Variants in SDK1 observed in about 807,000 individuals in gnomAD.
SDK1 encodes sidekick cell adhesion molecule 1.
Under a neutral mutation model 245.5 loss-of-function variants are expected in SDK1, and 157 were observed. The ratio of observed to expected loss-of-function variants is 0.64; its 90% CI spans 0.56 to 0.73. The LOEUF is 0.73. Among genes scored for constraint, SDK1 ranks in the 30% least tolerant of loss-of-function variants. The pLI, the probability that SDK1 is intolerant of heterozygous loss-of-function variation, is 0.00. For synonymous variants in SDK1, 1,647 were observed against 1,278.5 expected (o/e 1.29, Z -6.15); for missense variants, 3,583 against 3,002.3 (o/e 1.19, Z -4.52).
intron 5 of SDK1, among the ~76,000 whole-genome samples, chr7:3,908,828 C>T (rs74535432): frequency 7.2e-6 from 1 of 137,962 alleles, no homozygotes; most frequent in South Asian, 2.1e-4. Context: ...GGAAAGAATT[C>T]ATTTTTTTTT....
chr7:4,178,400 C>T, intron 34 of SDK1, 85 bp from the exon 35 acceptor site: 1 of 983,798 alleles, frequency 1.0e-6, no homozygotes, highest in South Asian at 1.3e-5. Flanking sequence ...GTGCTCCTTG[C>T]TTCATTGTGG....
intron 40 of SDK1, among the ~76,000 whole-genome samples, chr7:4,221,734 C>A (rs1052689480): frequency 3.9e-5 from 6 of 152,084 alleles, no homozygotes; most frequent in African/African-American, 1.5e-4. Context: ...TGTTTGCTGC[C>A]GAGATGGAAA....
intron 22 of SDK1, among the ~76,000 whole-genome samples, chr7:4,098,910 C>T (rs768242146): frequency 6.3e-5 from 9 of 142,038 alleles, no homozygotes; most frequent in Non-Finnish European, 1.0e-4. Flanking sequence ...TGAGCTCAAG[C>T]GATCCTCCTG....
chr7:3,910,899 G>T (rs747003588), intron 5 of SDK1, among the ~76,000 whole-genome samples: 4 of 152,194 alleles, frequency 2.6e-5, no homozygotes, highest in Non-Finnish European at 5.9e-5. Context: ...GGCCCACGCT[G>T]TGGAGCAGGG....
Position 3,867,343 on chromosome 7 carries a change from G to C in SDK1, c.847+45760G>C, listed in dbSNP as rs549677290. ...TAGAATTTGATTATTTTGGTGTGAAGGTATATAAAAATGCAGCCCTTTTGA... is the reference window on the plus strand; with the variant it reads ...TAGAATTTGATTATTTTGGTGTGAACGTATATAAAAATGCAGCCCTTTTGA... On this transcript the variant is annotated intron_variant, in intron 5 of 44. Coordinates refer to ENST00000404826, the MANE Select transcript of SDK1 (RefSeq NM_152744.4). 2.6e-5 allele frequency among the ~76,000 whole-genome samples: 4 copies of C among 152,172 alleles called. No homozygotes were observed. In the South Asian group the frequency reaches 8.3e-4, roughly 32 times the overall value.
Position 3,635,901 on chromosome 7 carries a change from C to G in SDK1, c.459-3103C>G, listed in dbSNP as rs187048773. ...TTGTATTTTTTGTAGAGAGACGGTT[C>G]TGCCATATTGCCCAGGCTGGTTCCT... On this transcript the variant is annotated intron_variant, in intron 2 of 44. Transcript: ENST00000404826. 2.5e-4 allele frequency among the ~76,000 whole-genome samples: 38 copies of G among 152,156 alleles called. No homozygotes were observed. In the East Asian group the frequency reaches 7.3e-3, roughly 29 times the overall value.
intron 2 of SDK1, among the ~76,000 whole-genome samples, chr7:3,632,715 A>G (rs1269583103): frequency 2.0e-5 from 3 of 152,204 alleles, no homozygotes; most frequent in Non-Finnish European, 2.9e-5. Context: ...GATTACTTCA[A>G]TTGTTTTGAA....
chr7:4,148,603 G>A (rs1448202067), intron 29 of SDK1, among the ~76,000 whole-genome samples: 1 of 152,218 alleles, frequency 6.6e-6, no homozygotes, highest in East Asian at 1.9e-4. Context: ...CAGAAAAAGA[G>A]AGACCAAAGG....
intron 4 of SDK1, among the ~76,000 whole-genome samples, chr7:3,759,497 T>A (rs1391644519): frequency 6.6e-6 from 1 of 152,186 alleles, no homozygotes; most frequent in Non-Finnish European, 1.5e-5. Context: ...TCCCTGCAGT[T>A]ACCCATAATC....
intron 40 of SDK1, among the ~76,000 whole-genome samples, chr7:4,226,569 G>C (rs1381394359): frequency 6.6e-6 from 1 of 152,228 alleles, no homozygotes; most frequent in Admixed American, 6.5e-5. Flanking sequence ...CACCAGGCTA[G>C]AACACAGATC....
intron 1 of SDK1, among the ~76,000 whole-genome samples, chr7:3,411,561 C>G (rs947536244): frequency 6.6e-6 from 1 of 152,138 alleles, no homozygotes; most frequent in African/African-American, 2.4e-5. Context: ...AGATCAGTTA[C>G]AAACTTGGCT....
intron 1 of SDK1, among the ~76,000 whole-genome samples, chr7:3,419,057 G>C (rs895020212): frequency 6.6e-6 from 1 of 152,202 alleles, no homozygotes; most frequent in Non-Finnish European, 1.5e-5. Context: ...CATGGTTTTT[G>C]TGTCCCATGA....
rs186956044 is a variant in SDK1, at chr7:3,868,596, T to C, written c.847+47013T>C. On this transcript the variant is annotated intron_variant, in intron 5 of 44. Coordinates refer to ENST00000404826, the MANE Select transcript of SDK1 (RefSeq NM_152744.4). ...AGTATTATGGTCCAACCCTGTTCTT[T>C]CATCTATAATTTTCTCCCACAATAA... is the stretch of plus-strand genomic sequence containing the variant. Among the ~76,000 whole-genome samples, 124 of 152,350 alleles carry C rather than the reference T, an allele frequency of 8.1e-4. 3 individuals are homozygous for C. The East Asian group carries it at 0.022, about 27-fold the overall frequency.
At chr7:3,536,472 A>G in intron 1 of SDK1, among the ~76,000 whole-genome samples, 1 of 152,078 alleles carries the variant, frequency 6.6e-6, no homozygotes, top group Non-Finnish European at 1.5e-5. Flanking sequence ...TGAGGCCAGG[A>G]GTTGAGACCA....
chr7:3,909,811 G>C (rs1240962477), intron 5 of SDK1, among the ~76,000 whole-genome samples: 1 of 152,142 alleles, frequency 6.6e-6, no homozygotes, highest in Non-Finnish European at 1.5e-5. Context: ...CCTAAAGCGA[G>C]GCACCTCTTC....
chr7:3,907,757 C>T lies in SDK1; in HGVS notation c.848-43166C>T, dbSNP rs373989660. On this transcript the variant is annotated intron_variant, in intron 5 of 44. Transcript: ENST00000404826. Reference sequence around the variant, plus strand: ...GTGGTGAGGGTCTTACATCATCCCTCATCTGTTTAGGTTAACATATATGAT... The same window carrying T: ...GTGGTGAGGGTCTTACATCATCCCTTATCTGTTTAGGTTAACATATATGAT... 7.9e-5 allele frequency among the ~76,000 whole-genome samples: 12 copies of T among 152,320 alleles called. No homozygotes were observed. In the East Asian group the frequency reaches 1.9e-3, roughly 24 times the overall value.
chr7:3,476,211 C>G (rs1215945795), intron 1 of SDK1, among the ~76,000 whole-genome samples: 3 of 152,220 alleles, frequency 2.0e-5, no homozygotes, highest in Non-Finnish European at 2.9e-5. Context: ...TGTGCTCTTA[C>G]TCTTCTGATC....
chr7:3,712,759 A>G (rs1454704589), intron 4 of SDK1, among the ~76,000 whole-genome samples: 1 of 152,220 alleles, frequency 6.6e-6, no homozygotes, highest in Non-Finnish European at 1.5e-5. Context: ...TTCACCTAGG[A>G]AAGAAGTTCA....
At chr7:4,052,172 C>T (rs906898960) in intron 19 of SDK1, among the ~76,000 whole-genome samples, 3 of 112,322 alleles carry the variant, frequency 2.7e-5, no homozygotes, top group Non-Finnish European at 4.8e-5. Context: ...CCATGATCCC[C>T]CCCCCCCCGA....
Sources: allele counts gnomAD v4.1 joint callset (sites outside exome capture counted in the v4.1 genomes callset), GRCh38; gene constraint gnomAD v4.1.1; transcripts MANE v1.5; gene names NCBI Gene and HGNC (gene_info 2026-07-23, HGNC 2026-07-21).